ZNF513: variants seen among roughly 807,000 people sequenced by gnomAD.
ZNF513 encodes the protein zinc finger protein 513.
Under a neutral mutation model 39.7 loss-of-function variants are expected in ZNF513, and 16 were observed. The ratio of observed to expected loss-of-function variants is 0.40; its 90% CI spans 0.27 to 0.61. ZNF513 has a LOEUF of 0.61. Among genes scored for constraint, ZNF513 ranks in the 20% least tolerant of loss-of-function variants. The pLI, the probability that ZNF513 is intolerant of heterozygous loss-of-function variation, is 0.39. For missense variants in ZNF513, 699 were observed against 743.6 expected (o/e 0.94, Z 0.70); for synonymous variants, 348 against 296.5 (o/e 1.17, Z -1.79).
At chr2:27,380,012 T>G (rs920844949) in intron 2 of ZNF513, 81 bp downstream of exon 2, 119 of 1,565,848 alleles carry the variant, frequency 7.6e-5, no homozygotes, top group East Asian at 3.1e-4. Context: ...CAGGAAATGG[T>G]GTTCTGTTCA....
chr2:27,379,433 G>C (rs565009743), intron 2 of ZNF513, among the ~76,000 whole-genome samples: 2 of 152,242 alleles, frequency 1.3e-5, no homozygotes, highest in South Asian at 4.1e-4. Flanking sequence ...CTATTGCTAA[G>C]GCCCCTTTTA....
rs1287453343 is a variant in ZNF513 at position 27,379,003 on chromosome 2, T to C, written c.263A>G (p.Glu88Gly). 1 of 1,613,114 alleles carries C rather than the reference T, an allele frequency of 6.2e-7. No homozygotes were observed. The highest frequency in any genetic ancestry group is 1.7e-5 in the Admixed American group (1 of 60,008). The change falls in exon 3 of 4, where the codon GAG (glutamate) becomes GGG (glycine). Residue 88 changes from glutamate (E) to glycine (G), a missense_variant. Physicochemically the swap from Glu to Gly is moderately conservative, Grantham distance 98. Around this residue, in one of 3 missense-constraint regions of ZNF513, gnomAD observed 530 missense variants for 499.3 expected, o/e 1.06. Coordinates refer to ENST00000323703, the MANE Select transcript of ZNF513 (RefSeq NM_144631.6). ...PGLPYGLSDD[E>G]SGGGRALSAE... ...ACTTAGTGCCCGGCCGCCCCCAGAC[T>C]CATCGTCGCTCAGCCCATAGGGAAG...
chr2:27,380,040 A>C, intron 2 of ZNF513, 53 bp downstream of exon 2: 1 of 1,612,758 alleles, frequency 6.2e-7, no homozygotes, highest in Non-Finnish European at 8.5e-7. Flanking sequence ...TGCCTCCTGA[A>C]GGGCTGGGGT....
Position 27,380,634 on chromosome 2 carries a change from C to G in ZNF513, c.-108G>C. On this transcript the variant is annotated 5_prime_UTR_variant, in exon 1 of 4. Transcript: ENST00000323703. ...TCCTCTCAGGGCCCGCGGGCCGCCC[C>G]CATGCAGCGGCGCGGGCCCTGGGCA... 1 of 1,439,914 alleles carries G rather than the reference C, an allele frequency of 6.9e-7. No individual in the cohort carries two copies. The highest frequency in any genetic ancestry group is 9.1e-7 in the Non-Finnish European group (1 of 1,100,610). 89.2% of individuals were successfully genotyped at this position (1,439,914 alleles called of 1,614,324 possible).
At chr2:27,379,810 G>C (rs1683540569) in intron 2 of ZNF513, among the ~76,000 whole-genome samples, 1 of 152,154 alleles carries the variant, frequency 6.6e-6, no homozygotes, top group South Asian at 2.1e-4. Context: ...TACACATAAG[G>C]AATGGGCTAG....
chr2:27,378,886 G>A lies in ZNF513; in HGVS notation c.380C>T (p.Thr127Ile), dbSNP rs1683483329. 6.2e-7 allele frequency: 1 copy of A among 1,602,880 alleles called. No individual in the cohort carries two copies. Among genetic ancestry groups the A allele is most frequent in the Non-Finnish European group, 8.5e-7 (1 of 1,174,654 alleles). The change falls in exon 3 of 4, where the codon ACA becomes ATA. Residue 127 changes from threonine to isoleucine, a missense_variant. By Grantham distance (89) the Thr-to-Ile change is moderately conservative (BLOSUM62 -1). This residue lies in a region of ZNF513 where 530 missense variants were observed against 499.3 expected (regional missense o/e 1.06). Coordinates refer to ENST00000323703, the MANE Select transcript of ZNF513 (RefSeq NM_144631.6). The surrounding 1 kb of genome is among the most constrained non-coding windows in gnomAD (Gnocchi z 8.0). ...TGCCCCACAACACGGCCCCTCACCT[G>A]TCGGCCCCCCACACAGCTGGCAGGC... ...GPACQLCGGP[T>I]GEGPCCGAGG...
Position 27,380,222 on chromosome 2 carries a change from C to T in ZNF513, c.82G>A (p.Gly28Arg). Residue 28 changes from glycine (G) to arginine (R), a missense_variant, in exon 2 of 4, where the codon GGA (glycine) becomes AGA (arginine). Physicochemically the swap from Gly to Arg is moderately radical, Grantham distance 125 (BLOSUM62 -2). This residue lies in a region of ZNF513 where 530 missense variants were observed against 499.3 expected (regional missense o/e 1.06). Transcript: ENST00000323703. ...KVDTEDSLDE[G>R]PGALVLESDL... ...CTCTCCAATACCAGGGCCCCGGGTC[C>T]TTCGTCGAGGGAGTCTTCAGTATCC... The T allele has an allele frequency of 1.2e-6, 2 of 1,614,052 alleles. No homozygotes were observed. The highest frequency in any genetic ancestry group is 1.1e-5 in the South Asian group (1 of 91,070).
chr2:27,379,155 C>CT (rs1486789509), intron 2 of ZNF513, 101 bp from the exon 3 acceptor site: 1 of 1,188,518 alleles, frequency 8.4e-7, no homozygotes, highest in Non-Finnish European at 1.2e-6. Flanking sequence ...TGGCTCCACC[C>CT]TTAGCTTTGA....
chr2:27,380,192 A>T lies in ZNF513; in HGVS notation c.112T>A (p.Leu38Met), dbSNP rs746691611. 6 of 1,613,994 alleles carry T rather than the reference A, an allele frequency of 3.7e-6. No individual in the cohort carries two copies. The highest frequency in any genetic ancestry group is 3.4e-6 in the Non-Finnish European group (4 of 1,179,982). Residue 38 changes from leucine (L) to methionine (M), a missense_variant, in exon 2 of 4, where the codon TTG becomes ATG. By Grantham distance (15) the Leu-to-Met change is conservative. Transcript: ENST00000323703. ...GPGALVLESD[L>M]LLGQDLEFEE... ...AACTCCAGATCCTGGCCTAGTAGCA[A>T]ATCACTCTCCAATACCAGGGCCCCG...
Position 27,378,920 on chromosome 2 carries a change from G to A in ZNF513, c.346C>T (p.Pro116Ser). Residue 116 changes from proline (P) to serine (S), a missense_variant, in exon 3 of 4, where the codon CCA (proline) becomes TCA (serine). Coordinates refer to ENST00000323703, the MANE Select transcript of ZNF513 (RefSeq NM_144631.6). The surrounding 1 kb of genome is among the most constrained non-coding windows in gnomAD (Gnocchi z 8.0). ...RGPGEARGER[P>S]GPACQLCGGP... ...CCACACAGCTGGCAGGCTGGGCCTG[G>A]CCTCTCACCCCTGGCCTCCCCTGGA... is the stretch of plus-strand genomic sequence containing the variant. The A allele has an allele frequency of 1.9e-6, 3 of 1,607,796 alleles. No homozygotes were observed. The highest frequency in any genetic ancestry group is 2.5e-6 in the Non-Finnish European group (3 of 1,176,840).
rs1238627129 is a variant in ZNF513, at chr2:27,378,557, G to C, written c.709C>G (p.Pro237Ala). Residue 237 changes from proline to alanine, a missense_variant, in exon 3 of 4, where the codon CCG becomes GCG. Transcript: ENST00000323703. This position sits in a 1 kb window ranked among gnomAD's most constrained non-coding sequence, Gnocchi z 8.0. Reference sequence around the variant, plus strand: ...GTACAGCAGCGGAAGCCACAGGTCGGGCAGGGAGGAGTGGGGGGCCCTGCG... The same window carrying C: ...GTACAGCAGCGGAAGCCACAGGTCGCGCAGGGAGGAGTGGGGGGCCCTGCG... Reference protein sequence around the residue: ...THAGPPTPPCPTCGFRCCTPR... With the variant: ...THAGPPTPPCATCGFRCCTPR... 1 of 1,614,044 alleles carries C rather than the reference G, an allele frequency of 6.2e-7. No homozygotes were observed. The highest frequency in any genetic ancestry group is 1.7e-5 in the Admixed American group (1 of 60,030).
chr2:27,378,486 C>T lies in ZNF513; in HGVS notation c.780G>A (p.Ala260=), dbSNP rs554115332. 3.4e-5 allele frequency: 55 copies of T among 1,614,108 alleles called. No homozygotes were observed. In the South Asian group the frequency reaches 4.0e-4, roughly 12 times the overall value. ...RPPSPTEQEG[A]VPRRPEDALL... ...TCTTACCTTCAGGTCGCCGGGGCAC[C>T]GCCCCCTCCTGCTCTGTGGGACTGG... is the stretch of plus-strand genomic sequence containing the variant. Residue 260 remains alanine (A), a synonymous_variant, in exon 3 of 4, where the codon GCG becomes GCA. Transcript: ENST00000323703. The surrounding 1 kb of genome is among the most constrained non-coding windows in gnomAD (Gnocchi z 8.0).
At chr2:27,380,388 C>A (rs1683564290) in intron 1 of ZNF513, 84 bp downstream of exon 1, 1 of 1,581,016 alleles carries the variant, frequency 6.3e-7, no homozygotes. Context: ...CTTCATCCCT[C>A]AGGAGTCCCC....
chr2:27,378,355 T>C lies in ZNF513; in HGVS notation c.816A>G (p.Pro272=). The change falls in exon 4 of 4, where the codon CCA becomes CCG. Residue 272 remains proline, a synonymous_variant. Transcript: ENST00000323703. This position sits in a 1 kb window ranked among gnomAD's most constrained non-coding sequence, Gnocchi z 8.0. Reference sequence around the variant, plus strand: ...CTGGTGGCACATGGAGGCTCAAATCTGGAAGGAGCAGAGCATCTGTGGGGA... The same window carrying C: ...CTGGTGGCACATGGAGGCTCAAATCCGGAAGGAGCAGAGCATCTGTGGGGA... ...PRRPEDALLL[P]DLSLHVPPGG... 1 of 1,603,038 alleles carries C rather than the reference T, an allele frequency of 6.2e-7. No homozygotes were observed.
intron 2 of ZNF513, 131 bp downstream of exon 2, chr2:27,379,962 A>G (rs998204553): frequency 1.6e-6 from 2 of 1,231,932 alleles, no homozygotes; most frequent in Non-Finnish European, 1.2e-6. Flanking sequence ...AAATGAAGTC[A>G]TCTAGCTCAA....
chr2:27,377,884 G>A lies in ZNF513; in HGVS notation c.1287C>T (p.Ala429=). ...PLCPYACGNL[A]NLKRHGRIHS... ...GGATGCGACCATGACGCTTGAGGTTGGCCAGATTGCCACAGGCATAAGGGC... is the reference window on the plus strand; with the variant it reads ...GGATGCGACCATGACGCTTGAGGTTAGCCAGATTGCCACAGGCATAAGGGC... The change falls in exon 4 of 4, where the codon GCC becomes GCT. Residue 429 remains alanine, a synonymous_variant. Transcript: ENST00000323703. This position sits in a 1 kb window ranked among gnomAD's most constrained non-coding sequence, Gnocchi z 4.4. The A allele has an allele frequency of 1.2e-6, 2 of 1,614,214 alleles. No homozygotes were observed. Among genetic ancestry groups the A allele is most frequent in the Non-Finnish European group, 1.7e-6 (2 of 1,180,048 alleles).
At position 27,378,570 on chromosome 2, in the gene ZNF513, G is replaced by T. The variant is rs371424464; in HGVS notation, c.696C>A (p.Pro232=). The change falls in exon 3 of 4, where the codon CCC becomes CCA. Residue 232 remains proline (P), a synonymous_variant. Coordinates refer to ENST00000323703, the MANE Select transcript of ZNF513 (RefSeq NM_144631.6). The surrounding 1 kb of genome is among the most constrained non-coding windows in gnomAD (Gnocchi z 8.0). ...AGCCACAGGTCGGGCAGGGAGGAGT[G>T]GGGGGCCCTGCGTGGGTACGCTGAT... ...RRHQRTHAGP[P]TPPCPTCGFR... is the part of the protein sequence containing the mutation. The T allele has an allele frequency of 6.2e-7, 1 of 1,613,892 alleles. No homozygotes were observed. The highest frequency in any genetic ancestry group is 1.1e-5 in the South Asian group (1 of 91,076).
At position 27,378,927 on chromosome 2, in the gene ZNF513, ACCCCTGGCCT is replaced by A; in HGVS notation, c.329_338del (p.Glu110ValfsTer53). On this transcript the variant is annotated frameshift_variant, in exon 3 of 4. Transcript: ENST00000323703. LOFTEE classifies it high-confidence loss of function. This position sits in a 1 kb window ranked among gnomAD's most constrained non-coding sequence, Gnocchi z 8.0. ...GCTGGCAGGCTGGGCCTGGCCTCTC[ACCCCTGGCCT>A]CCCCTGGACCCCTGGCTGGCTCCTC... is the stretch of plus-strand genomic sequence containing the variant. The A allele has an allele frequency of 6.2e-7, 1 of 1,606,910 alleles. No homozygotes were observed. Among genetic ancestry groups the A allele is most frequent in the Non-Finnish European group, 8.5e-7 (1 of 1,176,540 alleles).
chr2:27,379,175 T>A, intron 2 of ZNF513, 121 bp from the exon 3 acceptor site: 2 of 930,512 alleles, frequency 2.1e-6, no homozygotes, highest in Non-Finnish European at 3.4e-6. Context: ...ATGATCCCTT[T>A]AGTTCCCTCC....
Sources: allele counts gnomAD v4.1 joint callset (sites outside exome capture counted in the v4.1 genomes callset), GRCh38; gene constraint gnomAD v4.1.1; regional missense constraint gnomAD v4.1.1; non-coding constraint Gnocchi (gnomAD v3.1); transcripts MANE v1.5; gene names NCBI Gene and HGNC (gene_info 2026-07-23, HGNC 2026-07-21).